PIK3C2G: variants seen among roughly 807,000 people sequenced by gnomAD.
PIK3C2G encodes phosphatidylinositol 3-kinase C2 domain-containing subunit gamma.
Under a neutral mutation model 181.1 loss-of-function variants are expected in PIK3C2G, and 168 were observed. The ratio of observed to expected loss-of-function variants is 0.93; its 90% CI spans 0.82 to 1.05. PIK3C2G has a LOEUF of 1.05. Ranked by LOEUF, PIK3C2G falls within the 50% of genes least tolerant of loss-of-function variation. The pLI, the probability that PIK3C2G is intolerant of heterozygous loss-of-function variation, is 0.00. For synonymous variants in PIK3C2G, 573 were observed against 592.2 expected (o/e 0.97, Z 0.47); for missense variants, 1,869 against 1,732.8 (o/e 1.08, Z -1.40).
At chr12:18,621,574 A>T (rs1948865476) in intron 31 of PIK3C2G, among the ~76,000 whole-genome samples, 2 of 151,620 alleles carry the variant, frequency 1.3e-5, no homozygotes, top group Admixed American at 6.6e-5. Context: ...TGTGTATAAC[A>T]TGTTTTATAT....
intron 18 of PIK3C2G, among the ~76,000 whole-genome samples, chr12:18,461,193 A>G (rs1435529936): frequency 6.6e-6 from 1 of 152,166 alleles, no homozygotes; most frequent in East Asian, 1.9e-4. Context: ...GCATCTTTCT[A>G]AAAAGTAAGT....
At chr12:18,505,791 C>G (rs529925923) in intron 24 of PIK3C2G, among the ~76,000 whole-genome samples, 93 of 152,126 alleles carry the variant, frequency 6.1e-4, no homozygotes, top group Non-Finnish European at 9.3e-4. Flanking sequence ...TTGATGATCT[C>G]AAAACATCTG....
At chr12:18,542,414 C>G (rs147011956) in intron 25 of PIK3C2G, among the ~76,000 whole-genome samples, 1 of 151,718 alleles carries the variant, frequency 6.6e-6, no homozygotes, top group African/African-American at 2.4e-5. Flanking sequence ...TTATTTTAAA[C>G]TTTTATTTTA....
In PIK3C2G at chr12:18,282,286, C is replaced by A. The variant is rs201018498; in HGVS notation, c.205C>A (p.Pro69Thr). Residue 69 changes from proline to threonine, a missense_variant, in exon 2 of 33, where the codon CCA (proline) becomes ACA (threonine). Transcript: ENST00000538779. The stretch of plus-strand genomic sequence containing the variant: ...AAACACCTTTTTTGTGCCCACTGCA[C>A]CAAAATGGGACTCAACAGGGCATTC... ...DENTFFVPTA[P>T]KWDSTGHSLN... 6.2e-7 allele frequency: 1 copy of A among 1,613,426 alleles called. No homozygotes were observed. Among genetic ancestry groups the A allele is most frequent in the Non-Finnish European group, 8.5e-7 (1 of 1,179,476 alleles).
chr12:18,458,520 A>G (rs1258082692), intron 18 of PIK3C2G, among the ~76,000 whole-genome samples: 1 of 152,072 alleles, frequency 6.6e-6, no homozygotes, highest in African/African-American at 2.4e-5. Flanking sequence ...GAATTCTAAG[A>G]TGGCCTCTAG....
chr12:18,302,905 A>C (rs1950234233), intron 5 of PIK3C2G, among the ~76,000 whole-genome samples: 1 of 151,794 alleles, frequency 6.6e-6, no homozygotes, highest in South Asian at 2.1e-4. Flanking sequence ...CTCTTGGTGC[A>C]CATGCATGGC....
Position 18,335,051 on chromosome 12 carries a change from G to A in PIK3C2G, c.1273-3375G>A, listed in dbSNP as rs10047642. Among the ~76,000 whole-genome samples, 430 of 152,212 alleles carry A rather than the reference G, an allele frequency of 2.8e-3. 1 individual carries two copies. Among genetic ancestry groups the A allele is most frequent in the African/African-American group, 9.6e-3 (397 of 41,546 alleles). ...AGAGACACACAGAGCACAGACGAGG[G>A]TTCAGTTCCTCACATAATCATTTTT... On this transcript the variant is annotated intron_variant, in intron 8 of 32. Transcript: ENST00000538779.
intron 29 of PIK3C2G, among the ~76,000 whole-genome samples, chr12:18,586,016 A>T (rs1946754522): frequency 6.6e-6 from 1 of 152,212 alleles, no homozygotes; most frequent in Non-Finnish European, 1.5e-5. Context: ...CAAAGTTACA[A>T]CATACCAAAA....
intron 16 of PIK3C2G, 62 bp from the exon 17 acceptor site, chr12:18,420,879 A>T: frequency 1.2e-6 from 1 of 846,400 alleles, no homozygotes; most frequent in Non-Finnish European, 2.0e-6. Flanking sequence ...GTTCTCCCTG[A>T]CATGTCTTAT....
At chr12:18,342,001 C>T (rs1248218604) in intron 9 of PIK3C2G, among the ~76,000 whole-genome samples, 2 of 152,110 alleles carry the variant, frequency 1.3e-5, no homozygotes, top group Non-Finnish European at 2.9e-5. Context: ...TTGCATCCTT[C>T]AAATTATATT....
At chr12:18,711,148 C>T in the PIK3C2G span, among the ~76,000 whole-genome samples, 12 of 151,694 alleles carry the variant, frequency 7.9e-5, no homozygotes, top group South Asian at 1.0e-3. Flanking sequence ...TATCCAACAA[C>T]GATAGACTGG....
At chr12:18,479,490 G>T (rs1379508417) in intron 18 of PIK3C2G, among the ~76,000 whole-genome samples, 1 of 152,144 alleles carries the variant, frequency 6.6e-6, no homozygotes, top group African/African-American at 2.4e-5. Flanking sequence ...CCTCATCTGT[G>T]AGAAGGAAGA....
intron 18 of PIK3C2G, among the ~76,000 whole-genome samples, chr12:18,468,928 T>C (rs1938179501): frequency 6.6e-6 from 1 of 152,112 alleles, no homozygotes; most frequent in South Asian, 2.1e-4. Flanking sequence ...TGTTGGTTAA[T>C]GGTGAGTAAT....
intron 25 of PIK3C2G, among the ~76,000 whole-genome samples, chr12:18,543,059 T>C (rs1424081686): frequency 6.6e-6 from 1 of 151,906 alleles, no homozygotes; most frequent in Non-Finnish European, 1.5e-5. Flanking sequence ...TCTGTTATTT[T>C]CTGACTTTTT....
chr12:18,705,935 G>T, the PIK3C2G span, among the ~76,000 whole-genome samples: 1 of 147,548 alleles, frequency 6.8e-6, no homozygotes, highest in East Asian at 2.1e-4. Context: ...GACCAATTAA[G>T]AAGAAGGCAG....
At chr12:18,705,013 A>T in the PIK3C2G span, among the ~76,000 whole-genome samples, 1 of 152,174 alleles carries the variant, frequency 6.6e-6, no homozygotes, top group African/African-American at 2.4e-5. Flanking sequence ...TCATGAGAAC[A>T]TTCCCTAGGC....
At chr12:18,492,849 C>G (rs1192504288) in intron 20 of PIK3C2G, among the ~76,000 whole-genome samples, 6 of 152,140 alleles carry the variant, frequency 3.9e-5, no homozygotes, top group Non-Finnish European at 5.9e-5. Context: ...ACCCCTAGTG[C>G]TGCAGGTGGG....
At chr12:18,438,439 T>C (rs1467092387) in intron 18 of PIK3C2G, among the ~76,000 whole-genome samples, 3 of 151,956 alleles carry the variant, frequency 2.0e-5, no homozygotes, top group Non-Finnish European at 4.4e-5. Flanking sequence ...CTAACTTTTC[T>C]GCTTTGACTA....
chr12:18,383,611 A>G (rs141753524), intron 14 of PIK3C2G, among the ~76,000 whole-genome samples: 1 of 152,346 alleles, frequency 6.6e-6, no homozygotes, highest in Non-Finnish European at 1.5e-5. Flanking sequence ...ATGGCAAGTT[A>G]GTTAAGATTA....
Sources: allele counts gnomAD v4.1 joint callset (sites outside exome capture counted in the v4.1 genomes callset), GRCh38; gene constraint gnomAD v4.1.1; transcripts MANE v1.5; gene names NCBI Gene and HGNC (gene_info 2026-07-23, HGNC 2026-07-21).